The following ARHGAP35 variants were observed in gnomAD, a reference collection of about 807,000 sequenced individuals.
ARHGAP35 encodes Rho GTPase activating protein 35.
Under a neutral mutation model 111.1 loss-of-function variants are expected in ARHGAP35, and 15 were observed. That is an observed-to-expected ratio of 0.13 (90% CI 0.09 to 0.21). The LOEUF (loss-of-function observed/expected upper bound fraction) is 0.21. ARHGAP35 is among the 10% of genes least tolerant of loss of function. The pLI, the probability that ARHGAP35 is intolerant of heterozygous loss-of-function variation, is 1.00. For synonymous variants in ARHGAP35, 643 were observed against 710.3 expected, an observed-to-expected ratio of 0.91 and a Z score of 1.51; for missense variants, 1,262 against 1,873.0, an observed-to-expected ratio of 0.67 and a Z score of 6.02.
chr19:46,895,949 G>A (rs558335575), intron 1 of ARHGAP35, among the ~76,000 whole-genome samples: 15 of 151,954 alleles, frequency 9.9e-5, no homozygotes, highest in African/African-American at 2.7e-4. Flanking sequence ...CTAAAAATAC[G>A]TAATTGGCTG....
At chr19:46,882,352 G>T (rs1481016718) in intron 1 of ARHGAP35, among the ~76,000 whole-genome samples, 1 of 151,898 alleles carries the variant, frequency 6.6e-6, no homozygotes, top group East Asian at 1.9e-4. Context: ...TGACCATGCT[G>T]GTCTCGAATT....
intron 1 of ARHGAP35, among the ~76,000 whole-genome samples, chr19:46,879,587 A>AAAATAAATAAATAAGT: frequency 1.1e-5 from 1 of 87,678 alleles, no homozygotes; most frequent in East Asian, 2.5e-4. Flanking sequence ...ACTCCATCTC[A>AAAATAAATAAATAAGT]AAATAAATAA....
At chr19:46,972,258 C>T (rs1241279252) in intron 3 of ARHGAP35, among the ~76,000 whole-genome samples, 4 of 152,188 alleles carry the variant, frequency 2.6e-5, no homozygotes, top group African/African-American at 7.2e-5. Context: ...TGATCACCCA[C>T]CTCAGCCTCC....
intron 1 of ARHGAP35, among the ~76,000 whole-genome samples, chr19:46,869,889 C>CTGG (rs1382987786): frequency 6.6e-6 from 1 of 150,482 alleles, no homozygotes; most frequent in African/African-American, 2.4e-5. Context: ...TAGGTAGAGG[C>CTGG]TGGTGGATGC....
intron 2 of ARHGAP35, among the ~76,000 whole-genome samples, chr19:46,930,133 G>A (rs1479370504): frequency 6.6e-6 from 1 of 151,988 alleles, no homozygotes; most frequent in Non-Finnish European, 1.5e-5. Flanking sequence ...TTGGGAGGCC[G>A]AGTTTGGCAG....
intron 3 of ARHGAP35, among the ~76,000 whole-genome samples, chr19:46,956,199 T>A (rs1042432531): frequency 5.3e-5 from 8 of 152,160 alleles, no homozygotes; most frequent in African/African-American, 1.9e-4. Flanking sequence ...GCACCTGTAG[T>A]CCCAGCTACT....
chr19:46,879,950 G>T (rs2055951272), intron 1 of ARHGAP35, among the ~76,000 whole-genome samples: 1 of 151,810 alleles, frequency 6.6e-6, no homozygotes, highest in Admixed American at 6.6e-5. Flanking sequence ...GCCAGGCATG[G>T]TGGTATATGC....
At chr19:46,995,789 G>A (rs896967616) in intron 5 of ARHGAP35, among the ~76,000 whole-genome samples, 1 of 152,246 alleles carries the variant, frequency 6.6e-6, no homozygotes, top group Non-Finnish European at 1.5e-5. Context: ...CCTAGAGTAG[G>A]TCCCTCCCCA....
chr19:46,970,665 C>A, intron 3 of ARHGAP35, among the ~76,000 whole-genome samples: 1 of 152,172 alleles, frequency 6.6e-6, no homozygotes, highest in Non-Finnish European at 1.5e-5. Context: ...TACCACTGAT[C>A]GAGAGCAAGC....
intron 3 of ARHGAP35, among the ~76,000 whole-genome samples, chr19:46,980,218 C>T (rs1040842117): frequency 4.5e-4 from 69 of 152,104 alleles, no homozygotes; most frequent in African/African-American, 1.6e-3. Context: ...AACCTCGTCT[C>T]TACTAAAAAC....
At chr19:46,965,319 AAAAG>A (rs2056507699) in intron 3 of ARHGAP35, among the ~76,000 whole-genome samples, 1 of 152,254 alleles carries the variant, frequency 6.6e-6, no homozygotes, top group Admixed American at 6.5e-5. Context: ...ATCTCAAAAA[AAAAG>A]AGTCTTTTCT....
At chr19:46,874,983 T>C (rs1422005714) in intron 1 of ARHGAP35, among the ~76,000 whole-genome samples, 2 of 151,572 alleles carry the variant, frequency 1.3e-5, no homozygotes, top group Non-Finnish European at 2.9e-5. Flanking sequence ...GGCTAATGTT[T>C]GTATTTTTAG....
At chr19:46,887,953 C>CTT (rs775973443) in intron 1 of ARHGAP35, among the ~76,000 whole-genome samples, 4 of 137,868 alleles carry the variant, frequency 2.9e-5, no homozygotes, top group Non-Finnish European at 6.3e-5. Flanking sequence ...AGTACTTTGC[C>CTT]TTTTTTTTTT....
intron 1 of ARHGAP35, among the ~76,000 whole-genome samples, chr19:46,888,260 TAATATATATATATATATATATA>T (rs1214781712): frequency 1.9e-5 from 1 of 53,090 alleles, no homozygotes; most frequent in African/African-American, 7.3e-5. Flanking sequence ...CCTCAATCAA[TAATATATATATATATATATATA>T]TATATATATA....
In ARHGAP35 at chr19:46,907,867, A is replaced by G. The variant is rs112335353; in HGVS notation, c.-188-10621A>G. On this transcript the variant is annotated intron_variant, in intron 1 of 6. Transcript: ENST00000672722. ...CTTTTTAAAAGGATATACATGTGGT[A>G]TAACTTTTATTACTTGCGATAGCCT... 6.4e-3 allele frequency among the ~76,000 whole-genome samples: 981 copies of G among 152,354 alleles called. 5 individuals carry two copies. Among genetic ancestry groups the G allele is most frequent in the South Asian group, 0.02 (98 of 4,832 alleles).
chr19:46,864,634 G>A (rs1415157651), intron 1 of ARHGAP35, among the ~76,000 whole-genome samples: 3 of 152,240 alleles, frequency 2.0e-5, no homozygotes. Flanking sequence ...AGACAGTGAA[G>A]AGGGCTGATA....
intron 2 of ARHGAP35, among the ~76,000 whole-genome samples, chr19:46,930,690 G>A (rs1386178876): frequency 2.0e-5 from 3 of 151,154 alleles, no homozygotes; most frequent in East Asian, 3.9e-4. Context: ...AGTTGACAGC[G>A]TAGGGTCAGT....
chr19:46,930,365 A>G (rs1203109335), intron 2 of ARHGAP35, among the ~76,000 whole-genome samples: 1 of 150,220 alleles, frequency 6.7e-6, no homozygotes, highest in Non-Finnish European at 1.5e-5. Context: ...GTCTCAAAAA[A>G]CCAACTAGAA....
rs2056685156 is a variant in ARHGAP35 at position 46,992,594 on chromosome 19, G to A, written c.4036+2919G>A. On this transcript the variant is annotated intron_variant, in intron 5 of 6. Transcript: ENST00000672722. The surrounding 1 kb of genome is among the most constrained non-coding windows in gnomAD (Gnocchi z 4.4). ...GACCCCGTCCAGCTGGTGTCCACAGGCCCTGTCCTATGGCTTTTGTGCTGG... is the reference window on the plus strand; with the variant it reads ...GACCCCGTCCAGCTGGTGTCCACAGACCCTGTCCTATGGCTTTTGTGCTGG... 6.6e-6 allele frequency among the ~76,000 whole-genome samples: 1 copy of A among 151,978 alleles called. No homozygotes were observed. The highest frequency in any genetic ancestry group is 2.4e-5 in the African/African-American group (1 of 41,356).
Sources: allele counts gnomAD v4.1 joint callset (sites outside exome capture counted in the v4.1 genomes callset), GRCh38; gene constraint gnomAD v4.1.1; non-coding constraint Gnocchi (gnomAD v3.1); transcripts MANE v1.5; gene names NCBI Gene and HGNC (gene_info 2026-07-23, HGNC 2026-07-21).